CGNL1: variants seen among roughly 807,000 people sequenced by gnomAD.
CGNL1 encodes cingulin like 1, also known as cingulin-like protein 1.
In CGNL1, 132 loss-of-function variants were observed where a neutral mutation model predicts 141.2. That is an observed-to-expected ratio of 0.93 (90% CI 0.81 to 1.08). The LOEUF is 1.08. CGNL1 is among the 50% of genes least tolerant of loss of function. The probability of loss-of-function intolerance (pLI) is 0.00; values close to 1 mark genes in which losing one functional copy is unlikely to be tolerated. For missense variants in CGNL1, 1,870 were observed against 1,588.6 expected (o/e 1.18, Z -3.01); for synonymous variants, 690 against 622.1 (o/e 1.11, Z -1.63).
At chr15:57,409,184 C>T (rs2062758570) in intron 1 of CGNL1, among the ~76,000 whole-genome samples, 1 of 152,104 alleles carries the variant, frequency 6.6e-6, no homozygotes, top group South Asian at 2.1e-4. Flanking sequence ...GAAATCTGGT[C>T]CAGGGGAGAG....
At chr15:57,503,746 C>T (rs774827739) in intron 8 of CGNL1, among the ~76,000 whole-genome samples, 5 of 152,096 alleles carry the variant, frequency 3.3e-5, no homozygotes, top group African/African-American at 7.2e-5. Context: ...TTACATGGGG[C>T]GGCAGCAAGA....
At chr15:57,431,254 G>A (rs2063041349) in intron 1 of CGNL1, among the ~76,000 whole-genome samples, 1 of 152,200 alleles carries the variant, frequency 6.6e-6, no homozygotes, top group Admixed American at 6.5e-5. Flanking sequence ...GAAACAGAGA[G>A]CAACTCTGCT....
intron 1 of CGNL1, among the ~76,000 whole-genome samples, chr15:57,406,712 T>A (rs2062727115): frequency 1.3e-5 from 2 of 152,122 alleles, no homozygotes; most frequent in Admixed American, 1.3e-4. Context: ...GGCAAACACA[T>A]GAGATCATGG....
At chr15:57,529,598 ACACACACACACG>A (rs2031839264) in intron 13 of CGNL1, among the ~76,000 whole-genome samples, 1 of 132,642 alleles carries the variant, frequency 7.5e-6, no homozygotes, top group Admixed American at 7.6e-5. Context: ...ACACACACAC[ACACACACACACG>A]CCCCAGTAGA....
At chr15:57,449,067 T>A (rs1370198138) in intron 4 of CGNL1, among the ~76,000 whole-genome samples, 1 of 152,230 alleles carries the variant, frequency 6.6e-6, no homozygotes, top group Admixed American at 6.5e-5. Context: ...AATGCCAGAA[T>A]GTCCACCAAG....
At chr15:57,494,131 T>C (rs2063904389) in intron 8 of CGNL1, among the ~76,000 whole-genome samples, 1 of 152,234 alleles carries the variant, frequency 6.6e-6, no homozygotes, top group Admixed American at 6.5e-5. Context: ...GGATGTAGGC[T>C]CCAAAGACCG....
chr15:57,486,580 T>C (rs1355996564), intron 8 of CGNL1, among the ~76,000 whole-genome samples: 2 of 152,206 alleles, frequency 1.3e-5, no homozygotes, highest in African/African-American at 2.4e-5. Context: ...TGTGGATTGA[T>C]TGGAGAGAAT....
intron 8 of CGNL1, among the ~76,000 whole-genome samples, chr15:57,495,429 C>T (rs767334430): frequency 1.3e-5 from 2 of 152,284 alleles, no homozygotes; most frequent in South Asian, 2.1e-4. Flanking sequence ...AAGTATTCCT[C>T]ATGGTTATTA....
chr15:57,415,857 C>A (rs1369148657), intron 1 of CGNL1, among the ~76,000 whole-genome samples: 1 of 152,194 alleles, frequency 6.6e-6, no homozygotes, highest in African/African-American at 2.4e-5. Flanking sequence ...AGTAGCTCTG[C>A]CAGAAAAGGG....
At chr15:57,403,357 T>A (rs764942195) in intron 1 of CGNL1, among the ~76,000 whole-genome samples, 8 of 152,112 alleles carry the variant, frequency 5.3e-5, no homozygotes, top group Non-Finnish European at 8.8e-5. Flanking sequence ...TGGGAGTGTG[T>A]TTAAAATGCT....
chr15:57,484,560 T>A (rs1279235223), intron 8 of CGNL1, among the ~76,000 whole-genome samples: 2 of 152,222 alleles, frequency 1.3e-5, no homozygotes, highest in Non-Finnish European at 2.9e-5. Flanking sequence ...TTTTATTTTT[T>A]ATTTTACTTT....
At chr15:57,405,705 G>T (rs1169292173) in intron 1 of CGNL1, among the ~76,000 whole-genome samples, 1 of 152,084 alleles carries the variant, frequency 6.6e-6, no homozygotes, top group Non-Finnish European at 1.5e-5. Context: ...GCTCTAAGAA[G>T]ATAGAAAAAC....
chr15:57,475,333 C>T (rs1269263458), intron 8 of CGNL1, among the ~76,000 whole-genome samples: 4 of 125,002 alleles, frequency 3.2e-5, no homozygotes, highest in Admixed American at 3.1e-4. Context: ...GTCACCTCCA[C>T]AGAAGAGTGT....
At chr15:57,534,764 G>C (rs1010540351) in intron 14 of CGNL1, among the ~76,000 whole-genome samples, 2 of 152,218 alleles carry the variant, frequency 1.3e-5, no homozygotes, top group South Asian at 4.1e-4. Flanking sequence ...TTGTTATCTT[G>C]AACCCAAGTA....
chr15:57,401,708 C>G (rs1406991878), intron 1 of CGNL1, among the ~76,000 whole-genome samples: 1 of 152,218 alleles, frequency 6.6e-6, no homozygotes, highest in Non-Finnish European at 1.5e-5. Flanking sequence ...GGCTCATTCT[C>G]AAATTTCCTT....
chr15:57,397,860 G>A (rs2062619452), intron 1 of CGNL1, among the ~76,000 whole-genome samples: 1 of 150,912 alleles, frequency 6.6e-6, no homozygotes. Flanking sequence ...TCAGCTCACT[G>A]CAATCTCCAC....
At chr15:57,500,263 C>A (rs555766923) in intron 8 of CGNL1, among the ~76,000 whole-genome samples, 3 of 152,128 alleles carry the variant, frequency 2.0e-5, no homozygotes, top group Non-Finnish European at 2.9e-5. Context: ...GAGACCCTTG[C>A]GGCCCGTGGG....
chr15:57,482,878 G>A (rs4774266), intron 8 of CGNL1, among the ~76,000 whole-genome samples: 60,057 of 151,428 alleles, frequency 0.4, 12,592 homozygotes, highest in Admixed American at 0.47. Flanking sequence ...TCTGCCTTCC[G>A]GATTCAAGCA....
chr15:57,544,458 C>T lies in CGNL1; in HGVS notation c.3376-15C>T, dbSNP rs767478436. On this transcript the variant is annotated splice_polypyrimidine_tract_variant and intron_variant, in intron 15 of 18. Transcript: ENST00000281282. ...CAGACACATAGCCCCTCACAGTCTC[C>T]CTGTGTTGTTCCAGAACAAGGACTT... is the stretch of plus-strand genomic sequence containing the variant. 6.2e-7 allele frequency: 1 copy of T among 1,613,986 alleles called. No homozygotes were observed. The highest frequency in any genetic ancestry group is 1.1e-5 in the South Asian group (1 of 91,024).
Sources: allele counts gnomAD v4.1 joint callset (sites outside exome capture counted in the v4.1 genomes callset), GRCh38; gene constraint gnomAD v4.1.1; transcripts MANE v1.5; gene names NCBI Gene and HGNC (gene_info 2026-07-23, HGNC 2026-07-21).